Variants in CSNK2A2 observed in about 807,000 individuals in gnomAD.
CSNK2A2 encodes the protein casein kinase II subunit alpha'.
In CSNK2A2, 8 loss-of-function variants were observed where a neutral mutation model predicts 54.0. The ratio of observed to expected loss-of-function variants is 0.15; its 90% CI spans 0.09 to 0.27. The LOEUF (loss-of-function observed/expected upper bound fraction) is 0.27. Ranked by LOEUF, CSNK2A2 falls within the 10% of genes least tolerant of loss-of-function variation. The pLI, the probability that CSNK2A2 is intolerant of heterozygous loss-of-function variation, is 1.00. For synonymous variants in CSNK2A2, 141 were observed against 153.9 expected (o/e 0.92, Z 0.62); for missense variants, 242 against 439.4 (o/e 0.55, Z 4.02).
At chr16:58,173,806 G>A (rs1961803566) in intron 5 of CSNK2A2, among the ~76,000 whole-genome samples, 1 of 152,144 alleles carries the variant, frequency 6.6e-6, no homozygotes, top group Admixed American at 6.5e-5. Flanking sequence ...GTTTTTCCAT[G>A]CTTTGAAGCT....
chr16:58,195,263 T>C (rs1962409089), intron 2 of CSNK2A2, among the ~76,000 whole-genome samples: 1 of 152,082 alleles, frequency 6.6e-6, no homozygotes, highest in African/African-American at 2.4e-5. Flanking sequence ...ATCTTCAACA[T>C]CAGTTCCTCA....
intron 4 of CSNK2A2, 100 bp downstream of exon 4, chr16:58,184,160 C>T: frequency 1.2e-6 from 1 of 850,488 alleles, no homozygotes; most frequent in South Asian, 2.1e-5. Context: ...CTCCTCTCAC[C>T]AATGACAGCC....
chr16:58,186,459 A>G (rs1419666492), intron 3 of CSNK2A2, among the ~76,000 whole-genome samples: 1 of 152,236 alleles, frequency 6.6e-6, no homozygotes, highest in Middle Eastern at 3.2e-3. Flanking sequence ...TCAAAACTGG[A>G]AAGAGGCTGG....
intron 3 of CSNK2A2, among the ~76,000 whole-genome samples, chr16:58,185,098 AT>A (rs1356402778): frequency 8.5e-5 from 13 of 152,202 alleles, no homozygotes; most frequent in African/African-American, 3.1e-4. Flanking sequence ...AATAACGCTA[AT>A]TGGCAGTAAT....
intron 2 of CSNK2A2, among the ~76,000 whole-genome samples, chr16:58,189,690 T>C (rs955819575): frequency 7.2e-5 from 11 of 152,186 alleles, no homozygotes; most frequent in African/African-American, 2.7e-4. Context: ...AGGGCAACTC[T>C]GAAGGTGGCA....
chr16:58,178,560 G>C (rs2142430007), intron 4 of CSNK2A2, among the ~76,000 whole-genome samples: 1 of 152,272 alleles, frequency 6.6e-6, no homozygotes, highest in South Asian at 2.1e-4. Flanking sequence ...GGGATTACAG[G>C]CATGAGCCAC....
rs182357446 is a variant in CSNK2A2, at chr16:58,174,567, C to T, written c.370-57G>A. Reference sequence around the variant, plus strand: ...TTTAGTCTCACTGCATCTTGTCATCCTAAGTGCAGGCCATTCTCTAAGCTT... The same window carrying T: ...TTTAGTCTCACTGCATCTTGTCATCTTAAGTGCAGGCCATTCTCTAAGCTT... On this transcript the variant is annotated intron_variant, in intron 4 of 11. Coordinates refer to ENST00000262506, the MANE Select transcript of CSNK2A2 (RefSeq NM_001896.4). 79 of 1,416,114 alleles carry T rather than the reference C, an allele frequency of 5.6e-5. No individual in the cohort carries two copies. The Middle Eastern group carries it at 1.1e-3, about 19-fold the overall frequency. 87.7% of individuals were successfully genotyped at this position (1,416,114 alleles called of 1,614,324 possible).
intron 9 of CSNK2A2, 151 bp downstream of exon 9, chr16:58,166,433 T>G (rs1341161487): frequency 1.9e-6 from 1 of 518,082 alleles, no homozygotes; most frequent in Non-Finnish European, 3.4e-6. Flanking sequence ...AGTCCAAATA[T>G]CTCAATAAGT....
chr16:58,182,783 T>C (rs569758813), intron 4 of CSNK2A2, among the ~76,000 whole-genome samples: 15 of 152,312 alleles, frequency 9.8e-5, no homozygotes, highest in African/African-American at 1.9e-4. Context: ...CACTCACATA[T>C]ACCAGGATAA....
chr16:58,190,452 T>C (rs1289294031), intron 2 of CSNK2A2, among the ~76,000 whole-genome samples: 3 of 152,100 alleles, frequency 2.0e-5, no homozygotes, highest in African/African-American at 7.2e-5. Context: ...AAAAGAAAGT[T>C]CAGCCTGGAT....
At chr16:58,163,179 C>T (rs552365531) in intron 11 of CSNK2A2, 3 of 136,442 alleles carry the variant, frequency 2.2e-5, no homozygotes, top group Admixed American at 1.6e-4. Context: ...GTCTCTGTTT[C>T]AGAGAGGTGC....
chr16:58,183,778 T>C (rs1295798036), intron 4 of CSNK2A2, among the ~76,000 whole-genome samples: 2 of 152,176 alleles, frequency 1.3e-5, no homozygotes, highest in African/African-American at 2.4e-5. Flanking sequence ...AAAAACCCGA[T>C]AGGGCTCTTC....
At position 58,197,517 on chromosome 16, in the gene CSNK2A2, T is replaced by G; in HGVS notation, c.104+116A>C. On this transcript the variant is annotated intron_variant, in intron 1 of 11. Transcript: ENST00000262506. This position sits in a 1 kb window ranked among gnomAD's most constrained non-coding sequence, Gnocchi z 4.0. ...TGCGAGAGCGGGACCTCTGCCTCCC[T>G]GCGGGCCCGCGGAGGGGTCGGCGGG... The G allele has an allele frequency of 1.9e-6, 1 of 515,508 alleles. No homozygotes were observed. Among genetic ancestry groups the G allele is most frequent in the South Asian group, 2.2e-5 (1 of 44,534 alleles). 31.9% of individuals were successfully genotyped at this position (515,508 alleles called of 1,614,324 possible). A position where few individuals can be genotyped will look rare whatever the true frequency, so the allele number is the denominator to read the frequency against.
At chr16:58,191,195 T>C (rs1962312902) in intron 2 of CSNK2A2, among the ~76,000 whole-genome samples, 1 of 152,114 alleles carries the variant, frequency 6.6e-6, no homozygotes, top group Admixed American at 6.5e-5. Flanking sequence ...AGTAAGACGG[T>C]TGTTGCCAGG....
intron 5 of CSNK2A2, among the ~76,000 whole-genome samples, chr16:58,171,000 A>G (rs1324009811): frequency 6.6e-6 from 1 of 152,074 alleles, no homozygotes; most frequent in Admixed American, 6.6e-5. Context: ...CTACCACTAG[A>G]GCCCCCCTCC....
chr16:58,159,223 CATTA>C (rs1961250400), intron 11 of CSNK2A2: 1 of 152,242 alleles, frequency 6.6e-6, no homozygotes, highest in Non-Finnish European at 1.5e-5. Flanking sequence ...AAAGAAAGCA[CATTA>C]ATTAAAGATA....
Position 58,164,743 on chromosome 16 carries a change from G to C in CSNK2A2, c.977-596C>G, listed in dbSNP as rs755106315. On this transcript the variant is annotated intron_variant, in intron 10 of 11. Transcript: ENST00000262506. ...TGGGGCTGAGGTCTAGAAGGCTGAA[G>C]GCTTTTCCATTTGCGGTCTCCCTTA... is the stretch of plus-strand genomic sequence containing the variant. 2.0e-5 allele frequency among the ~76,000 whole-genome samples: 3 copies of C among 152,338 alleles called. No individual in the cohort carries two copies. The East Asian group carries it at 5.8e-4, about 29-fold the overall frequency.
chr16:58,182,859 T>C (rs1476832001), intron 4 of CSNK2A2, among the ~76,000 whole-genome samples: 2 of 152,230 alleles, frequency 1.3e-5, no homozygotes, highest in Non-Finnish European at 1.5e-5. Context: ...AGCGCTGTTA[T>C]GCTACTGAAT....
intron 2 of CSNK2A2, among the ~76,000 whole-genome samples, chr16:58,196,313 T>C (rs1962442832): frequency 6.6e-6 from 1 of 152,166 alleles, no homozygotes; most frequent in Non-Finnish European, 1.5e-5. Context: ...ATCAGATAAA[T>C]AAAATTTGAG....
Sources: gnomAD v4.1 joint callset for allele counts (sites outside exome capture counted in the v4.1 genomes callset) on GRCh38, gnomAD v4.1.1 for gene constraint, Gnocchi (gnomAD v3.1) non-coding constraint, MANE v1.5 for transcripts, NCBI Gene and HGNC (gene_info 2026-07-23, HGNC 2026-07-21) for gene names.